The following USH2A variants were observed in gnomAD, a reference collection of about 807,000 sequenced individuals.
USH2A encodes usherin.
USH2A carries 443 observed loss-of-function variants against 538.9 expected under a neutral mutation model. That is an observed-to-expected ratio of 0.82 (90% CI 0.76 to 0.89). The LOEUF (loss-of-function observed/expected upper bound fraction) is 0.89, where lower values mean the gene tolerates loss of function less well. Ranked by LOEUF, USH2A falls within the 40% of genes least tolerant of loss-of-function variation. The probability of loss-of-function intolerance (pLI) is 0.00; values close to 1 mark genes in which losing one functional copy is unlikely to be tolerated. For missense variants in USH2A, 6,633 were observed against 6,324.8 expected (o/e 1.05, Z -1.65); for synonymous variants, 2,413 against 2,273.5 (o/e 1.06, Z -1.75).
At chr1:215,965,257 T>C (rs1478777265) in intron 37 of USH2A, 60 bp downstream of exon 37, 2 of 1,540,076 alleles carry the variant, frequency 1.3e-6, no homozygotes, top group East Asian at 2.3e-5. Context: ...AGAAAGATTT[T>C]AAATAAAAAT....
At chr1:216,262,416 G>T (rs2036391945) in intron 11 of USH2A, among the ~76,000 whole-genome samples, 1 of 151,954 alleles carries the variant, frequency 6.6e-6, no homozygotes, top group Non-Finnish European at 1.5e-5. Flanking sequence ...GAGCAATTTA[G>T]TTAATGAAAT....
At chr1:215,737,611 A>T (rs2364864) in intron 60 of USH2A, among the ~76,000 whole-genome samples, 99,814 of 151,722 alleles carry the variant, frequency 0.66, 35,991 homozygotes, top group Non-Finnish European at 0.81. Flanking sequence ...CTTAGGTCTC[A>T]TAGATCTTTG....
intron 49 of USH2A, among the ~76,000 whole-genome samples, chr1:215,800,706 A>G (rs1204756832): frequency 6.6e-6 from 1 of 152,188 alleles, no homozygotes; most frequent in Non-Finnish European, 1.5e-5. Context: ...ATAAATAATA[A>G]GACAATAACT....
chr1:216,330,227 TAAC>T (rs1045886398), intron 4 of USH2A, among the ~76,000 whole-genome samples: 1 of 152,184 alleles, frequency 6.6e-6, no homozygotes, highest in South Asian at 2.1e-4. Context: ...TACAATCAGT[TAAC>T]AACAACAACA....
intron 44 of USH2A, among the ~76,000 whole-genome samples, chr1:215,859,125 C>G: frequency 6.6e-6 from 1 of 152,138 alleles, no homozygotes; most frequent in Non-Finnish European, 1.5e-5. Context: ...AGGTCCCACT[C>G]TTATAATCTC....
chr1:216,136,344 G>A (rs370866809), intron 21 of USH2A, among the ~76,000 whole-genome samples: 4 of 152,254 alleles, frequency 2.6e-5, no homozygotes, highest in African/African-American at 9.6e-5. Flanking sequence ...CAGCATCTGT[G>A]ATTAAATACT....
chr1:216,383,049 G>A (rs375770621), intron 3 of USH2A, among the ~76,000 whole-genome samples: 44 of 152,216 alleles, frequency 2.9e-4, no homozygotes, highest in African/African-American at 8.4e-4. Flanking sequence ...ACTATAGGCT[G>A]GTAGTCCTGG....
At chr1:215,852,214 C>T (rs1317521002) in intron 44 of USH2A, among the ~76,000 whole-genome samples, 2 of 152,096 alleles carry the variant, frequency 1.3e-5, no homozygotes, top group African/African-American at 2.4e-5. Context: ...GGATGCCTCA[C>T]AATCATGGCA....
chr1:215,884,181 C>A (rs1664989718), intron 41 of USH2A, among the ~76,000 whole-genome samples: 1 of 152,096 alleles, frequency 6.6e-6, no homozygotes. Flanking sequence ...CACATGTATA[C>A]CTATGTAAGA....
intron 32 of USH2A, among the ~76,000 whole-genome samples, chr1:216,012,634 T>C (rs957269769): frequency 2.6e-5 from 4 of 152,118 alleles, no homozygotes; most frequent in African/African-American, 9.7e-5. Context: ...GAAACCTTTA[T>C]ATCCCTTACG....
intron 38 of USH2A, 135 bp from the exon 39 acceptor site, chr1:215,901,040 T>C: frequency 9.2e-7 from 1 of 1,084,746 alleles, no homozygotes; most frequent in Non-Finnish European, 1.4e-6. Flanking sequence ...CCATTTAATT[T>C]AACATTTTCA....
intron 3 of USH2A, among the ~76,000 whole-genome samples, chr1:216,409,251 T>A (rs1365758970): frequency 1.3e-5 from 2 of 152,042 alleles, no homozygotes; most frequent in Non-Finnish European, 2.9e-5. Flanking sequence ...TTGGTTTGTG[T>A]GACATTCCAT....
intron 21 of USH2A, among the ~76,000 whole-genome samples, chr1:216,109,741 A>G (rs1484385692): frequency 6.6e-6 from 1 of 152,178 alleles, no homozygotes; most frequent in Non-Finnish European, 1.5e-5. Context: ...AAATATTATC[A>G]GAAAATAATA....
chr1:216,324,102 T>G, intron 7 of USH2A, 66 bp downstream of exon 7: 1 of 1,544,272 alleles, frequency 6.5e-7, no homozygotes, highest in Non-Finnish European at 8.8e-7. Context: ...CCTAGAGAGC[T>G]AGCATACTTG....
At chr1:216,328,240 T>G (rs2037775919) in intron 4 of USH2A, among the ~76,000 whole-genome samples, 1 of 152,154 alleles carries the variant, frequency 6.6e-6, no homozygotes, top group Admixed American at 6.6e-5. Context: ...TCTCAGAATT[T>G]TATTGCCTCA....
In USH2A at chr1:215,854,518, C is replaced by A. The variant is rs544880114; in HGVS notation, c.8846-8485G>T. Among the ~76,000 whole-genome samples the A allele has an allele frequency of 2.6e-5, 4 of 152,204 alleles. No individual in the cohort carries two copies. In the East Asian group the frequency reaches 7.7e-4, roughly 29 times the overall value. ...AATATCCATGGTTCATCATCTCATG[C>A]CAGGGAAATCAAGGATGCAGGCACA... On this transcript the variant is annotated intron_variant, in intron 44 of 71. Coordinates refer to ENST00000307340, the MANE Select transcript of USH2A (RefSeq NM_206933.4).
chr1:215,942,363 G>A (rs1666655291), intron 37 of USH2A, among the ~76,000 whole-genome samples: 1 of 152,106 alleles, frequency 6.6e-6, no homozygotes, highest in Non-Finnish European at 1.5e-5. Context: ...TTCTACTGGT[G>A]AGCAGCAAGT....
chr1:215,701,914 A>T (rs1161078971), intron 61 of USH2A, among the ~76,000 whole-genome samples: 1 of 152,130 alleles, frequency 6.6e-6, no homozygotes, highest in African/African-American at 2.4e-5. Flanking sequence ...GATAGTGTTG[A>T]TCGTCTTTAC....
intron 38 of USH2A, among the ~76,000 whole-genome samples, chr1:215,921,334 C>T (rs1245243643): frequency 1.3e-5 from 2 of 151,990 alleles, no homozygotes; most frequent in Non-Finnish European, 2.9e-5. Flanking sequence ...GTACGTACCA[C>T]ATAATATTGC....
Sources: allele counts gnomAD v4.1 joint callset (sites outside exome capture counted in the v4.1 genomes callset), GRCh38; gene constraint gnomAD v4.1.1; transcripts MANE v1.5; gene names NCBI Gene and HGNC (gene_info 2026-07-23, HGNC 2026-07-21).